CMTM4: variants seen among roughly 807,000 people sequenced by gnomAD.
CMTM4 encodes the protein CKLF like MARVEL transmembrane domain containing 4, also known as CKLF-like MARVEL transmembrane domain-containing protein 4.
In CMTM4, 8 loss-of-function variants were observed where a neutral mutation model predicts 19.0. The ratio of observed to expected loss-of-function variants is 0.42; its 90% confidence interval spans 0.25 to 0.76. The LOEUF is 0.76. Among genes scored for constraint, CMTM4 ranks in the 30% least tolerant of loss-of-function variants. The probability of loss-of-function intolerance (pLI) is 0.27; values close to 1 mark genes in which losing one functional copy is unlikely to be tolerated. For missense variants in CMTM4, 228 were observed against 290.2 expected (o/e 0.79, Z 1.56); for synonymous variants, 106 against 121.1 (o/e 0.88, Z 0.82).
chr16:66,612,510 A>G, downstream of CMTM4: 1 of 1,273,558 alleles, frequency 7.9e-7, no homozygotes, highest in South Asian at 1.3e-5. This position sits in a 1 kb window ranked among gnomAD's most constrained non-coding sequence, Gnocchi z 6.0. Context: ...GCCTGCACCC[A>G]GGCTCCTGCC....
chr16:66,690,292 G>T (rs1443933810), intron 1 of CMTM4, among the ~76,000 whole-genome samples: 3 of 152,178 alleles, frequency 2.0e-5, no homozygotes, highest in Non-Finnish European at 4.4e-5. Context: ...ACCCTTCACG[G>T]TTTGACCAGG....
At chr16:66,634,776 A>G (rs999430645) in intron 2 of CMTM4, among the ~76,000 whole-genome samples, 2 of 152,136 alleles carry the variant, frequency 1.3e-5, no homozygotes, top group African/African-American at 4.8e-5. Flanking sequence ...CCCTGCAAAA[A>G]AAAAAATTAT....
intron 1 of CMTM4, among the ~76,000 whole-genome samples, chr16:66,694,485 G>A (rs1203989187): frequency 2.0e-5 from 3 of 151,728 alleles, no homozygotes; most frequent in South Asian, 2.1e-4. Context: ...CGAGGTGGGC[G>A]GATCATAAGG....
At chr16:66,632,434 G>A (rs1218860388) in intron 2 of CMTM4, among the ~76,000 whole-genome samples, 2 of 152,186 alleles carry the variant, frequency 1.3e-5, no homozygotes, top group Non-Finnish European at 2.9e-5. Flanking sequence ...TTGGGGTGTT[G>A]ACAATCTCCT....
the CMTM4 span, chr16:66,609,288 G>A: frequency 6.1e-6 from 4 of 657,200 alleles, no homozygotes; most frequent in Non-Finnish European, 1.0e-5. The surrounding 1 kb of genome is among the most constrained non-coding windows in gnomAD (Gnocchi z 4.4). Flanking sequence ...GGTGGGACAA[G>A]GGCCTAGGCA....
At chr16:66,654,030 T>C (rs2016357201) in intron 1 of CMTM4, among the ~76,000 whole-genome samples, 1 of 152,156 alleles carries the variant, frequency 6.6e-6, no homozygotes, top group Non-Finnish European at 1.5e-5. Context: ...TGTGAGCCAC[T>C]GCACCCAGCC....
chr16:66,680,304 C>A (rs1415453900), intron 1 of CMTM4, among the ~76,000 whole-genome samples: 1 of 151,846 alleles, frequency 6.6e-6, no homozygotes, highest in Non-Finnish European at 1.5e-5. Flanking sequence ...CATGGTAAAA[C>A]CCTGTCTCTA....
chr16:66,605,979 T>C, the CMTM4 span, among the ~76,000 whole-genome samples: 1 of 151,756 alleles, frequency 6.6e-6, no homozygotes, highest in African/African-American at 2.4e-5. This position sits in a 1 kb window ranked among gnomAD's most constrained non-coding sequence, Gnocchi z 4.6. Context: ...TGGGAGCCAC[T>C]TGAGGGGAGA....
chr16:66,669,746 G>A (rs946313404), intron 1 of CMTM4, among the ~76,000 whole-genome samples: 2 of 152,102 alleles, frequency 1.3e-5, no homozygotes, highest in African/African-American at 4.8e-5. Context: ...GGGTTTCACT[G>A]TGTTAGCCAG....
the CMTM4 span, among the ~76,000 whole-genome samples, chr16:66,600,963 C>A: frequency 6.6e-6 from 1 of 151,982 alleles, no homozygotes; most frequent in Non-Finnish European, 1.5e-5. Flanking sequence ...GCAGGAGGGA[C>A]CATAGTTTGT....
At chr16:66,626,113 A>G (rs1051053746) in intron 2 of CMTM4, among the ~76,000 whole-genome samples, 8 of 152,264 alleles carry the variant, frequency 5.3e-5, no homozygotes, top group Admixed American at 1.3e-4. Context: ...TAAATGACCC[A>G]GTTTTTCTAA....
intron 2 of CMTM4, among the ~76,000 whole-genome samples, chr16:66,629,224 T>C (rs921320802): frequency 6.6e-6 from 1 of 152,306 alleles, no homozygotes; most frequent in Admixed American, 6.5e-5. Flanking sequence ...CCCAAACCAA[T>C]GTGCTAGGTG....
chr16:66,616,938 C>A lies in CMTM4; in HGVS notation c.*5120G>T. 5.1e-6 allele frequency: 1 copy of A among 194,320 alleles called. No homozygotes were observed. Among genetic ancestry groups the A allele is most frequent in the Non-Finnish European group, 1.1e-5 (1 of 94,890 alleles). The allele number at this position is 194,320 out of a possible 1,614,324, so 12.0% of individuals were successfully genotyped here. A position where few individuals can be genotyped will look rare whatever the true frequency, so the allele number is the denominator to read the frequency against. On this transcript the variant is annotated 3_prime_UTR_variant, in exon 4 of 4. Transcript: ENST00000394106. ...GACTATGATCAAATCTCACACAAAC[C>A]ATTATCAGAATCTTGTTTCACACCA... is the stretch of plus-strand genomic sequence containing the variant.
intron 1 of CMTM4, among the ~76,000 whole-genome samples, chr16:66,672,148 A>G (rs1426267885): frequency 6.6e-6 from 1 of 152,164 alleles, no homozygotes; most frequent in African/African-American, 2.4e-5. Context: ...ACAGTGCCTC[A>G]TGCCTGAAAT....
At chr16:66,631,026 C>CGCCCCATCTGAGAAGTGAGGA (rs2015850502) in intron 2 of CMTM4, among the ~76,000 whole-genome samples, 1 of 151,580 alleles carries the variant, frequency 6.6e-6, no homozygotes, top group Non-Finnish European at 1.5e-5. Context: ...GCCCGGCGGC[C>CGCCCCATCTGAGAAGTGAGGA]GCCCCATCTG....
intron 1 of CMTM4, among the ~76,000 whole-genome samples, chr16:66,686,052 A>T (rs1175881649): frequency 6.6e-6 from 1 of 151,972 alleles, no homozygotes; most frequent in East Asian, 1.9e-4. Context: ...CAAGAGATCA[A>T]GACCATCCCG....
downstream of CMTM4, chr16:66,609,968 A>G: frequency 6.2e-7 from 1 of 1,613,990 alleles, no homozygotes; most frequent in Non-Finnish European, 8.5e-7. This position sits in a 1 kb window ranked among gnomAD's most constrained non-coding sequence, Gnocchi z 4.4. Flanking sequence ...AAACAAGGGG[A>G]CTCTGCAGAT....
At chr16:66,664,852 A>G (rs923002209) in intron 1 of CMTM4, among the ~76,000 whole-genome samples, 48 of 152,094 alleles carry the variant, frequency 3.2e-4, no homozygotes, top group African/African-American at 1.1e-3. Context: ...TATAGGCAGG[A>G]CATGGTGGCT....
At chr16:66,633,808 A>AC (rs959271608) in intron 2 of CMTM4, among the ~76,000 whole-genome samples, 10 of 143,054 alleles carry the variant, frequency 7.0e-5, no homozygotes, top group African/African-American at 1.8e-4. Flanking sequence ...ACAGAGCAAG[A>AC]CCCCATCTCA....
Sources: allele counts gnomAD v4.1 joint callset (sites outside exome capture counted in the v4.1 genomes callset), GRCh38; gene constraint gnomAD v4.1.1; non-coding constraint Gnocchi (gnomAD v3.1); transcripts MANE v1.5; gene names NCBI Gene and HGNC (gene_info 2026-07-23, HGNC 2026-07-21).